ZFYVE9: variants seen among roughly 807,000 people sequenced by gnomAD.
ZFYVE9 encodes zinc finger FYVE-type containing 9.
In ZFYVE9, 43 loss-of-function variants were observed where a neutral mutation model predicts 126.7. That is an observed-to-expected ratio of 0.34 (90% CI 0.27 to 0.44). The LOEUF (loss-of-function observed/expected upper bound fraction) is 0.44. Among genes scored for constraint, ZFYVE9 ranks in the 20% least tolerant of loss-of-function variants. The pLI is 1.00. For missense variants in ZFYVE9, 1,476 were observed against 1,697.0 expected (o/e 0.87, Z 2.29); for synonymous variants, 521 against 597.4 (o/e 0.87, Z 1.87).
intron 1 of ZFYVE9, among the ~76,000 whole-genome samples, chr1:52,185,367 T>G (rs188444018): frequency 6.6e-6 from 1 of 152,152 alleles, no homozygotes; most frequent in Non-Finnish European, 1.5e-5. Context: ...TAAATTCCCA[T>G]GGAAAGACTT....
intron 1 of ZFYVE9, among the ~76,000 whole-genome samples, chr1:52,198,015 G>A (rs1041811021): frequency 6.6e-6 from 1 of 152,070 alleles, no homozygotes; most frequent in Non-Finnish European, 1.5e-5. Flanking sequence ...CATTCGAATG[G>A]AGGTGGTAAA....
At chr1:52,330,172 G>A (rs1196827992) in intron 13 of ZFYVE9, among the ~76,000 whole-genome samples, 1 of 152,226 alleles carries the variant, frequency 6.6e-6, no homozygotes, top group Non-Finnish European at 1.5e-5. Flanking sequence ...GAGGTCGGGA[G>A]TTCGAGACCA....
intron 3 of ZFYVE9, among the ~76,000 whole-genome samples, chr1:52,235,307 T>C (rs1405164795): frequency 6.6e-6 from 1 of 152,212 alleles, no homozygotes; most frequent in Non-Finnish European, 1.5e-5. Flanking sequence ...AATGAAAAAA[T>C]ATACCACAGA....
intron 1 of ZFYVE9, among the ~76,000 whole-genome samples, chr1:52,154,062 G>A (rs116660217): frequency 5.0e-4 from 76 of 152,346 alleles, no homozygotes; most frequent in Admixed American, 1.8e-3. Context: ...AACTACTGGA[G>A]CTTATGGTTA....
At chr1:52,307,110 T>C (rs1177072808) in intron 13 of ZFYVE9, among the ~76,000 whole-genome samples, 2 of 152,246 alleles carry the variant, frequency 1.3e-5, no homozygotes, top group African/African-American at 4.8e-5. Flanking sequence ...GATGATCAGA[T>C]GTCATTCCCA....
chr1:52,277,776 C>T (rs1645762404), intron 8 of ZFYVE9, among the ~76,000 whole-genome samples: 1 of 152,126 alleles, frequency 6.6e-6, no homozygotes, highest in Admixed American at 6.5e-5. Context: ...GCTGAAAGGA[C>T]CACTGTCATT....
In ZFYVE9 at chr1:52,346,078, A is replaced by G; in HGVS notation, c.4135A>G (p.Ser1379Gly). Residue 1379 changes from serine to glycine, a missense_variant, in exon 19 of 19, where the codon AGC becomes GGC. This residue lies in a region of ZFYVE9 where 669 missense variants were observed against 902.4 expected (regional missense o/e 0.74). Transcript: ENST00000287727. ...DSDQVGYQAG[S>G]NGQPLPSQYM... ...GGTATAGGTTGGCTATCAAGCAGGG[A>G]GCAATGGCCAGCCCCTTCCCTCGCA... 1 of 1,605,522 alleles carries G rather than the reference A, an allele frequency of 6.2e-7. No individual in the cohort carries two copies. Among genetic ancestry groups the G allele is most frequent in the Non-Finnish European group, 8.5e-7 (1 of 1,174,152 alleles).
intron 17 of ZFYVE9, 66 bp from the exon 18 acceptor site, chr1:52,344,702 G>A: frequency 1.3e-6 from 2 of 1,542,846 alleles, no homozygotes; most frequent in Non-Finnish European, 1.8e-6. Flanking sequence ...CTCATATACA[G>A]TGAGCTAATC....
chr1:52,221,415 G>GAA (rs1645123617), intron 2 of ZFYVE9, among the ~76,000 whole-genome samples: 1 of 152,176 alleles, frequency 6.6e-6, no homozygotes, highest in Admixed American at 6.5e-5. Flanking sequence ...AAGCAGCGGG[G>GAA]TTGAGTGAAT....
At chr1:52,214,080 G>C (rs77998131) in intron 1 of ZFYVE9, among the ~76,000 whole-genome samples, 1,856 of 152,274 alleles carry the variant, frequency 0.012, 32 homozygotes, top group African/African-American at 0.043. Flanking sequence ...AGGATACCAA[G>C]CATATCAGGA....
chr1:52,308,890 A>C (rs555464350), intron 13 of ZFYVE9, among the ~76,000 whole-genome samples: 11 of 152,348 alleles, frequency 7.2e-5, no homozygotes, highest in African/African-American at 2.4e-4. Flanking sequence ...CAAACACCCT[A>C]GTACGGAGTG....
At chr1:52,243,124 G>A (rs1460935437) in intron 4 of ZFYVE9, among the ~76,000 whole-genome samples, 1 of 152,176 alleles carries the variant, frequency 6.6e-6, no homozygotes, top group Non-Finnish European at 1.5e-5. Flanking sequence ...GAGTAAATGA[G>A]TCTCAGATCA....
Position 52,232,728 on chromosome 1 carries a change from C to CAAAAAAA in ZFYVE9, c.-36-423_-36-417dup, listed in dbSNP as rs552213191. 3.4e-3 allele frequency among the ~76,000 whole-genome samples: 93 copies of CAAAAAAA among 27,346 alleles called. 1 individual carries two copies. The highest frequency in any genetic ancestry group is 8.0e-3 in the African/African-American group (78 of 9,752). 17.9% of individuals were successfully genotyped at this position (27,346 alleles called of 152,430 possible). A position where few individuals can be genotyped will look rare whatever the true frequency, so the allele number is the denominator to read the frequency against. On this transcript the variant is annotated intron_variant, in intron 2 of 18. Coordinates refer to ENST00000287727, the MANE Select transcript of ZFYVE9 (RefSeq NM_004799.4). ...AGGCAACAAGAGTGAGACTCTGTCT[C>CAAAAAAA]AAAAAAAAAAAAAAAAAAAAAAAAA... is the stretch of plus-strand genomic sequence containing the variant.
At chr1:52,325,005 C>T (rs530819637) in intron 13 of ZFYVE9, among the ~76,000 whole-genome samples, 3 of 152,014 alleles carry the variant, frequency 2.0e-5, no homozygotes, top group Non-Finnish European at 2.9e-5. Flanking sequence ...TTAGGCTGGG[C>T]GTGGTGGCTC....
At chr1:52,246,973 G>T (rs1201299785) in intron 4 of ZFYVE9, among the ~76,000 whole-genome samples, 2 of 152,054 alleles carry the variant, frequency 1.3e-5, no homozygotes, top group African/African-American at 2.4e-5. Context: ...CTTCCAAAGT[G>T]TTGGGATTAC....
At chr1:52,316,315 G>A (rs551881724) in intron 13 of ZFYVE9, among the ~76,000 whole-genome samples, 13 of 151,412 alleles carry the variant, frequency 8.6e-5, no homozygotes, top group African/African-American at 3.1e-4. Context: ...GTGAAACCCC[G>A]TCTCTAGTAA....
At chr1:52,252,703 T>A (rs1645462949) in intron 4 of ZFYVE9, 1 of 427,956 alleles carries the variant, frequency 2.3e-6, no homozygotes, top group South Asian at 1.8e-5. Context: ...ATATAAGGGT[T>A]GCAAAACATA....
chr1:52,268,240 A>G (rs1445229042), intron 6 of ZFYVE9, among the ~76,000 whole-genome samples: 2 of 152,172 alleles, frequency 1.3e-5, no homozygotes, highest in African/African-American at 4.8e-5. Context: ...AAAGTATTTT[A>G]CTCTTTGCAT....
intron 4 of ZFYVE9, among the ~76,000 whole-genome samples, chr1:52,257,158 G>A (rs1458286323): frequency 1.3e-5 from 2 of 152,156 alleles, no homozygotes; most frequent in Admixed American, 1.3e-4. Context: ...TATGTGGAAA[G>A]CCTGTAGTGG....
Sources: gnomAD v4.1 joint callset for allele counts (sites outside exome capture counted in the v4.1 genomes callset) on GRCh38, gnomAD v4.1.1 for gene constraint, gnomAD v4.1.1 regional missense constraint, MANE v1.5 for transcripts, NCBI Gene and HGNC (gene_info 2026-07-23, HGNC 2026-07-21) for gene names.